ARPP21: variants seen among roughly 807,000 people sequenced by gnomAD.
ARPP21 encodes the protein cAMP-regulated phosphoprotein 21.
In ARPP21, 69 loss-of-function variants were observed where a neutral mutation model predicts 113.2. The observed-to-expected ratio is 0.61, with a 90% CI of 0.50 to 0.74. ARPP21 has a LOEUF of 0.74. ARPP21 is among the 30% of genes least tolerant of loss of function. The pLI is 0.00. For synonymous variants in ARPP21, 368 were observed against 375.5 expected, an observed-to-expected ratio of 0.98 and a Z score of 0.23; for missense variants, 1,070 against 1,037.4, an observed-to-expected ratio of 1.03 and a Z score of -0.43.
chr3:35,668,027 A>AAGAAGAAGGAGAAGGAGAAGG (rs1553646509), intron 1 of ARPP21, among the ~76,000 whole-genome samples: 3 of 132,468 alleles, frequency 2.3e-5, no homozygotes, highest in South Asian at 2.4e-4. Flanking sequence ...GAAGAAGAAG[A>AAGAAGAAGGAGAAGGAGAAGG]AGAAGGAGAA....
rs762069246 is a variant in ARPP21 at position 35,743,970 on chromosome 3, T to G, written c.2137+5T>G. 2 of 1,613,936 alleles carry G rather than the reference T, an allele frequency of 1.2e-6. No homozygotes were observed. Among genetic ancestry groups the G allele is most frequent in the Non-Finnish European group, 1.7e-6 (2 of 1,179,962 alleles). ...CACAGGCAGCACAGCAAGCAGGTACTTGGAATCTGTTTCCCATTTGCTTCT... is the reference window on the plus strand; with the variant it reads ...CACAGGCAGCACAGCAAGCAGGTACGTGGAATCTGTTTCCCATTTGCTTCT... On this transcript the variant is annotated splice_donor_5th_base_variant and intron_variant, in intron 19 of 20. Transcript: ENST00000684406.
Position 35,681,889 on chromosome 3 carries a change from G to A in ARPP21, c.129+9G>A. ...AGAAACTGGAACTGCAGGTGAGTGAGCATGAAGAGACCCTGACTCTCATAC... is the reference window on the plus strand; with the variant it reads ...AGAAACTGGAACTGCAGGTGAGTGAACATGAAGAGACCCTGACTCTCATAC... On this transcript the variant is annotated intron_variant, in intron 3 of 20. Coordinates refer to ENST00000684406, the MANE Select transcript of ARPP21 (RefSeq NM_001385562.1). 1.9e-6 allele frequency: 3 copies of A among 1,611,326 alleles called. No homozygotes were observed. Among genetic ancestry groups the A allele is most frequent in the Non-Finnish European group, 2.5e-6 (3 of 1,178,368 alleles).
rs182094301 is a variant in ARPP21 at position 35,787,065 on chromosome 3, G to T, written c.2138-5317G>T. Among the ~76,000 whole-genome samples the T allele has an allele frequency of 3.9e-5, 6 of 152,296 alleles. No individual in the cohort carries two copies. The East Asian group carries it at 1.2e-3, about 29-fold the overall frequency. ...AAGTGAGACAGGAAAAAAATCCATA[G>T]TGTTCACAGAATTAGAAAGCAGACT... On this transcript the variant is annotated intron_variant, in intron 19 of 20. Transcript: ENST00000684406.
chr3:35,684,929 G>A (rs1416744512), intron 5 of ARPP21: 1 of 984,926 alleles, frequency 1.0e-6, no homozygotes, highest in African/African-American at 1.7e-5. Context: ...GAAATGTGTG[G>A]CTTTCCTTCA....
chr3:35,773,680 C>T (rs1480065529), intron 19 of ARPP21, among the ~76,000 whole-genome samples: 2 of 152,120 alleles, frequency 1.3e-5, no homozygotes, highest in Non-Finnish European at 2.9e-5. Context: ...TGCCAGGCCA[C>T]TAAGGAGTTA....
chr3:35,763,524 A>G (rs2151353815), intron 19 of ARPP21, among the ~76,000 whole-genome samples: 1 of 152,278 alleles, frequency 6.6e-6, no homozygotes, highest in Non-Finnish European at 1.5e-5. Context: ...GTCACCATGC[A>G]GTTACAATAT....
chr3:35,684,383 A>C, intron 5 of ARPP21: 1 of 985,456 alleles, frequency 1.0e-6, no homozygotes, highest in East Asian at 1.0e-4. Context: ...TATTATTAAT[A>C]TATCACTGCA....
intron 9 of ARPP21, among the ~76,000 whole-genome samples, chr3:35,700,114 G>T (rs901685765): frequency 3.3e-5 from 5 of 151,764 alleles, no homozygotes; most frequent in African/African-American, 1.2e-4. Flanking sequence ...GGGCTTAGTA[G>T]CTTTCTCACA....
intron 1 of ARPP21, among the ~76,000 whole-genome samples, chr3:35,647,409 C>A (rs9311102): frequency 1.3e-5 from 2 of 151,966 alleles, no homozygotes; most frequent in African/African-American, 4.8e-5. Flanking sequence ...CTGATTGAAA[C>A]TCAGATTAAA....
chr3:35,756,628 A>T (rs1233707786), intron 19 of ARPP21, among the ~76,000 whole-genome samples: 1 of 152,106 alleles, frequency 6.6e-6, no homozygotes, highest in East Asian at 1.9e-4. Flanking sequence ...AGCCGACATC[A>T]TGATTCCCAC....
intron 19 of ARPP21, among the ~76,000 whole-genome samples, chr3:35,752,043 T>A (rs1286802416): frequency 6.6e-6 from 1 of 152,010 alleles, no homozygotes; most frequent in Non-Finnish European, 1.5e-5. Flanking sequence ...ATAGAGAAGG[T>A]GGAAATGAGC....
chr3:35,651,517 C>A (rs1213642727), intron 1 of ARPP21, among the ~76,000 whole-genome samples: 2 of 151,924 alleles, frequency 1.3e-5, no homozygotes, highest in Non-Finnish European at 2.9e-5. Context: ...ACTAATGCTA[C>A]CCAACAGGAG....
intron 11 of ARPP21, among the ~76,000 whole-genome samples, chr3:35,714,036 G>C (rs1017514824): frequency 6.6e-6 from 1 of 152,148 alleles, no homozygotes; most frequent in Non-Finnish European, 1.5e-5. Context: ...GTACTGTAAA[G>C]AGCCCTTCAT....
intron 1 of ARPP21, among the ~76,000 whole-genome samples, chr3:35,658,970 C>G (rs1167423008): frequency 1.3e-5 from 2 of 152,126 alleles, no homozygotes; most frequent in African/African-American, 4.8e-5. Flanking sequence ...CTAAGATGCT[C>G]TATCTTCATC....
chr3:35,737,425 A>C, intron 16 of ARPP21, 63 bp downstream of exon 16: 1 of 1,086,534 alleles, frequency 9.2e-7, no homozygotes, highest in South Asian at 1.6e-5. Flanking sequence ...CATAGTCCTC[A>C]GAGCAGCAGA....
chr3:35,705,012 A>G (rs1339030474), intron 9 of ARPP21, among the ~76,000 whole-genome samples: 1 of 152,124 alleles, frequency 6.6e-6, no homozygotes, highest in Non-Finnish European at 1.5e-5. Context: ...TAAATGAACA[A>G]TTACAGACTA....
At chr3:35,722,217 A>G (rs1272069606) in intron 14 of ARPP21, among the ~76,000 whole-genome samples, 2 of 152,218 alleles carry the variant, frequency 1.3e-5, no homozygotes, top group Non-Finnish European at 2.9e-5. Flanking sequence ...CCTGCATTAC[A>G]GTAACTACCT....
chr3:35,714,104 T>A (rs1462351036), intron 11 of ARPP21, among the ~76,000 whole-genome samples: 2 of 152,154 alleles, frequency 1.3e-5, no homozygotes, highest in African/African-American at 4.8e-5. Flanking sequence ...AAATGTCAAG[T>A]TTTTTAAAAA....
At chr3:35,755,050 A>T (rs2151158540) in intron 19 of ARPP21, among the ~76,000 whole-genome samples, 1 of 152,144 alleles carries the variant, frequency 6.6e-6, no homozygotes, top group East Asian at 1.9e-4. Flanking sequence ...TTTTTCTAGG[A>T]GACAAACTAA....
Sources: gnomAD v4.1 joint callset for allele counts (sites outside exome capture counted in the v4.1 genomes callset) on GRCh38, gnomAD v4.1.1 for gene constraint, MANE v1.5 for transcripts, NCBI Gene and HGNC (gene_info 2026-07-23, HGNC 2026-07-21) for gene names.